Variants in PTPRM observed in about 807,000 individuals in gnomAD.
The protein encoded by PTPRM is receptor-type tyrosine-protein phosphatase mu.
PTPRM carries 47 observed loss-of-function variants against 186.7 expected under a neutral mutation model. The ratio of observed to expected loss-of-function variants is 0.25; its 90% CI spans 0.20 to 0.32. PTPRM has a LOEUF of 0.32. Among genes scored for constraint, PTPRM ranks in the 10% least tolerant of loss-of-function variants. The probability of loss-of-function intolerance (pLI) is 1.00; values close to 1 mark genes in which losing one functional copy is unlikely to be tolerated. For synonymous variants in PTPRM, 668 were observed against 674.9 expected (o/e 0.99, Z 0.16); for missense variants, 1,494 against 1,865.0 (o/e 0.80, Z 3.66).
At chr18:8,057,109 A>G (rs937562263) in intron 7 of PTPRM, among the ~76,000 whole-genome samples, 1 of 150,746 alleles carries the variant, frequency 6.6e-6, no homozygotes, top group Non-Finnish European at 1.5e-5. Context: ...ATTTTTAAGC[A>G]TCCTAGATAT....
intron 7 of PTPRM, among the ~76,000 whole-genome samples, chr18:7,980,347 C>G (rs1021562813): frequency 6.6e-6 from 1 of 151,990 alleles, no homozygotes; most frequent in Non-Finnish European, 1.5e-5. Context: ...CTCTGCTGCC[C>G]CCTAGAGTTG....
chr18:8,063,274 CT>C (rs1325578493), intron 7 of PTPRM, among the ~76,000 whole-genome samples: 3 of 151,044 alleles, frequency 2.0e-5, no homozygotes, highest in African/African-American at 5.0e-5. Context: ...TCCCTGACCC[CT>C]TGCGCTTCCC....
In PTPRM at chr18:8,314,503, G is replaced by T. The variant is rs565618459; in HGVS notation, c.2843-278G>T. 2.6e-5 allele frequency among the ~76,000 whole-genome samples: 4 copies of T among 152,314 alleles called. No individual in the cohort carries two copies. In the South Asian group the frequency reaches 8.3e-4, roughly 32 times the overall value. ...ATCTACTTATGTTTGTGGTTCACAG[G>T]ATTGTATGTAAAAGTGTCAAACCTT... is the stretch of plus-strand genomic sequence containing the variant. On this transcript the variant is annotated intron_variant, in intron 20 of 32. Transcript: ENST00000580170.
intron 14 of PTPRM, among the ~76,000 whole-genome samples, chr18:8,146,649 T>C (rs2092894168): frequency 5.3e-5 from 8 of 152,210 alleles, no homozygotes; most frequent in Admixed American, 5.2e-4. Context: ...AGAAGCTCTT[T>C]AGTTTAATTA....
chr18:8,346,740 GA>G (rs951000329), intron 23 of PTPRM, among the ~76,000 whole-genome samples: 1 of 151,070 alleles, frequency 6.6e-6, no homozygotes, highest in African/African-American at 2.4e-5. Context: ...TAAGACTGAA[GA>G]AAAAGACCCT....
intron 2 of PTPRM, among the ~76,000 whole-genome samples, chr18:7,842,843 G>T (rs868533929): frequency 0.03 from 3,161 of 104,760 alleles, 125 homozygotes; most frequent in African/African-American, 0.11. Context: ...TATATATATA[G>T]AGAGAGAGAG....
In PTPRM at chr18:8,244,103, G is replaced by A. The variant is rs755795795; in HGVS notation, c.2346G>A (p.Gln782=). The change falls in exon 15 of 33, where the codon CAG becomes CAA. Residue 782 remains glutamine, a synonymous_variant. Coordinates refer to ENST00000580170, the MANE Select transcript of PTPRM (RefSeq NM_001105244.2). ...AAGAGACCATGAGCAGCACCCGACA[G>A]GAGATGACTGTGATGGTGAACTCAA... ...KRKETMSSTR[Q]EMTVMVNSMD... 8 of 1,609,492 alleles carry A rather than the reference G, an allele frequency of 5.0e-6. No homozygotes were observed. The Admixed American group carries it at 1.4e-4, about 27-fold the overall frequency.
chr18:8,275,443 AAAAAG>A (rs200786043), intron 19 of PTPRM, among the ~76,000 whole-genome samples: 1,588 of 152,244 alleles, frequency 0.01, 24 homozygotes, highest in African/African-American at 0.036. Context: ...GATTCTGTAA[AAAAAG>A]AAAAGAAAAG....
At chr18:8,106,927 C>T (rs585416) in intron 11 of PTPRM, among the ~76,000 whole-genome samples, 59,895 of 151,990 alleles carry the variant, frequency 0.39, 13,695 homozygotes, top group African/African-American at 0.65. Flanking sequence ...GTATTCCAGC[C>T]CATCTGGCCC....
chr18:7,985,230 T>C (rs1416651260), intron 7 of PTPRM, among the ~76,000 whole-genome samples: 1 of 116,080 alleles, frequency 8.6e-6, no homozygotes, highest in Non-Finnish European at 1.6e-5. Flanking sequence ...CATATAAATA[T>C]ATACATATAA....
intron 7 of PTPRM, among the ~76,000 whole-genome samples, chr18:8,009,537 G>A (rs543018840): frequency 1.3e-5 from 2 of 152,020 alleles, no homozygotes; most frequent in African/African-American, 4.8e-5. Context: ...GTGAGACCCC[G>A]TCTCTACTAA....
chr18:7,662,755 T>C (rs975920701), intron 1 of PTPRM, among the ~76,000 whole-genome samples: 6 of 152,176 alleles, frequency 3.9e-5, no homozygotes, highest in African/African-American at 1.4e-4. Context: ...ACGTGATGTA[T>C]ACCCCGTTTA....
intron 14 of PTPRM, among the ~76,000 whole-genome samples, chr18:8,153,817 A>C (rs2093063674): frequency 6.6e-6 from 1 of 152,232 alleles, no homozygotes; most frequent in South Asian, 2.1e-4. Flanking sequence ...TTAGAAGAAC[A>C]CTGAACTTAG....
intron 7 of PTPRM, among the ~76,000 whole-genome samples, chr18:8,010,251 T>G (rs1389241323): frequency 6.6e-6 from 1 of 152,218 alleles, no homozygotes; most frequent in Non-Finnish European, 1.5e-5. Context: ...CATTACCAAA[T>G]TAATTTTCCT....
At chr18:7,947,880 C>T (rs1394334101) in intron 5 of PTPRM, among the ~76,000 whole-genome samples, 3 of 152,116 alleles carry the variant, frequency 2.0e-5, no homozygotes, top group Non-Finnish European at 4.4e-5. Flanking sequence ...CCTATACACC[C>T]CAAACAACTG....
chr18:8,178,967 TA>T (rs1211916149), intron 14 of PTPRM, among the ~76,000 whole-genome samples: 1 of 152,146 alleles, frequency 6.6e-6, no homozygotes, highest in Non-Finnish European at 1.5e-5. Context: ...TTGGTGCTCC[TA>T]GGCCTGTGAG....
chr18:8,281,690 G>A (rs2094905834), intron 19 of PTPRM, among the ~76,000 whole-genome samples: 1 of 152,128 alleles, frequency 6.6e-6, no homozygotes, highest in South Asian at 2.1e-4. Context: ...AGAGGTAGAA[G>A]TGGATTGAGG....
At chr18:8,107,409 C>A (rs954967519) in intron 11 of PTPRM, among the ~76,000 whole-genome samples, 2 of 152,128 alleles carry the variant, frequency 1.3e-5, no homozygotes, top group Non-Finnish European at 2.9e-5. Flanking sequence ...TTTCACCCTG[C>A]CCTTTGTTCA....
In PTPRM at chr18:7,881,907, G is replaced by A. The variant is rs181545384; in HGVS notation, c.197-6199G>A. Among the ~76,000 whole-genome samples the A allele has an allele frequency of 7.9e-5, 12 of 152,104 alleles. No homozygotes were observed. In the East Asian group the frequency reaches 9.7e-4, roughly 12 times the overall value. ...TCATTTTCTTCTGCAACGTTCTTTC[G>A]TAGTCAAAGGGGTTGGCTTTTATAA... On this transcript the variant is annotated intron_variant, in intron 2 of 32. Transcript: ENST00000580170.
Sources: allele counts gnomAD v4.1 joint callset (sites outside exome capture counted in the v4.1 genomes callset), GRCh38; gene constraint gnomAD v4.1.1; transcripts MANE v1.5; gene names NCBI Gene and HGNC (gene_info 2026-07-23, HGNC 2026-07-21).